Variants in PDE11A observed in about 807,000 individuals in gnomAD.
PDE11A encodes the protein dual 3',5'-cyclic-AMP and -GMP phosphodiesterase 11A.
PDE11A carries 100 observed loss-of-function variants against 100.5 expected under a neutral mutation model. That is an observed-to-expected ratio of 1.00 (90% CI 0.85 to 1.18). PDE11A has a LOEUF of 1.18. Ranked by LOEUF, PDE11A falls within the 50% of genes most tolerant of loss-of-function variation. PDE11A has a pLI of 0.00. For missense variants in PDE11A, 1,141 were observed against 1,152.6 expected (o/e 0.99, Z 0.15); for synonymous variants, 381 against 420.8 (o/e 0.91, Z 1.16).
At chr2:177,933,276 CTA>C (rs1294528061) in intron 2 of PDE11A, among the ~76,000 whole-genome samples, 1 of 152,154 alleles carries the variant, frequency 6.6e-6, no homozygotes, top group Non-Finnish European at 1.5e-5. Context: ...AGGTTCAACA[CTA>C]TTTCTATCAA....
intron 2 of PDE11A, among the ~76,000 whole-genome samples, chr2:177,948,036 A>T (rs1574301280): frequency 2.0e-5 from 3 of 149,638 alleles, no homozygotes; most frequent in East Asian, 3.9e-4. Flanking sequence ...TGTGTGCACG[A>T]CCTTTTTTTT....
At chr2:177,685,339 G>C (rs1312443065) in intron 15 of PDE11A, among the ~76,000 whole-genome samples, 1 of 152,198 alleles carries the variant, frequency 6.6e-6, no homozygotes, top group African/African-American at 2.4e-5. Flanking sequence ...GATTCTTGCA[G>C]AGTAGATTCT....
In PDE11A at chr2:177,983,925, G is replaced by A. The variant is rs191433584; in HGVS notation, c.1071+30377C>T. On this transcript the variant is annotated intron_variant, in intron 2 of 19. Coordinates refer to ENST00000286063, the MANE Select transcript of PDE11A (RefSeq NM_016953.4). ...AGATGAAGAGTTCTGAAGGTGATTG[G>A]AAGCTCTTATCAGAAGTGCATGACA... Among the ~76,000 whole-genome samples, 751 of 152,242 alleles carry A rather than the reference G, an allele frequency of 4.9e-3. 8 individuals carry two copies. The highest frequency in any genetic ancestry group is 0.014 in the Middle Eastern group (4 of 294).
chr2:177,907,280 G>T (rs187802951), intron 2 of PDE11A, among the ~76,000 whole-genome samples: 44 of 152,140 alleles, frequency 2.9e-4, no homozygotes, highest in African/African-American at 1.1e-3. Context: ...GTCTTTTTTA[G>T]TTCTAATCTT....
intron 9 of PDE11A, among the ~76,000 whole-genome samples, chr2:177,800,255 G>C (rs4893988): frequency 0.82 from 124,232 of 151,740 alleles, 51,115 homozygotes; most frequent in East Asian, 0.98. Flanking sequence ...GTGCAGCCTC[G>C]AATTCCAGGG....
intron 6 of PDE11A, among the ~76,000 whole-genome samples, chr2:177,829,094 T>C (rs949832799): frequency 6.6e-6 from 1 of 151,846 alleles, no homozygotes; most frequent in East Asian, 1.9e-4. Context: ...ATGTTCAACA[T>C]CAGAGAAAGG....
intron 2 of PDE11A, among the ~76,000 whole-genome samples, chr2:177,980,757 C>T (rs2085870587): frequency 6.6e-6 from 1 of 150,380 alleles, no homozygotes; most frequent in Non-Finnish European, 1.5e-5. Context: ...GCGAAAAGGC[C>T]AATAAGGCTA....
intron 19 of PDE11A, among the ~76,000 whole-genome samples, chr2:177,657,257 T>C (rs2080403397): frequency 6.6e-6 from 1 of 152,244 alleles, no homozygotes; most frequent in Admixed American, 6.5e-5. Flanking sequence ...TACATTATTA[T>C]GTAACAAGGA....
At chr2:177,877,747 C>T (rs2084264324) in intron 4 of PDE11A, among the ~76,000 whole-genome samples, 1 of 152,018 alleles carries the variant, frequency 6.6e-6, no homozygotes. Flanking sequence ...GCTCAGTATG[C>T]CAAGGCACCA....
intron 2 of PDE11A, among the ~76,000 whole-genome samples, chr2:177,987,686 T>C (rs571732979): frequency 6.6e-6 from 1 of 151,508 alleles, no homozygotes; most frequent in Non-Finnish European, 1.5e-5. Flanking sequence ...TATGCATGAC[T>C]ATTGCATTAA....
At position 177,794,716 on chromosome 2, in the gene PDE11A, C is replaced by T. The variant is rs560112346; in HGVS notation, c.1737+22113G>A. ...CCACCCCTACCCCTACACCGACCCC[C>T]CAACACACCCGACAAACGAATGTCT... is the stretch of plus-strand genomic sequence containing the variant. On this transcript the variant is annotated intron_variant, in intron 9 of 19. Coordinates refer to ENST00000286063, the MANE Select transcript of PDE11A (RefSeq NM_016953.4). Among the ~76,000 whole-genome samples the T allele has an allele frequency of 6.6e-5, 10 of 152,282 alleles. No individual in the cohort carries two copies. In the South Asian group the frequency reaches 2.1e-3, roughly 32 times the overall value.
At chr2:177,870,339 T>A (rs935776922) in intron 5 of PDE11A, among the ~76,000 whole-genome samples, 1 of 152,220 alleles carries the variant, frequency 6.6e-6, no homozygotes, top group South Asian at 2.1e-4. Context: ...GACCACACTG[T>A]AATCTCATTG....
chr2:177,703,163 T>C (rs1248933307), intron 13 of PDE11A, among the ~76,000 whole-genome samples: 1 of 151,840 alleles, frequency 6.6e-6, no homozygotes, highest in Non-Finnish European at 1.5e-5. Context: ...AGTTGGGAGG[T>C]TGATAATAAG....
At chr2:177,769,192 C>T (rs2082277426) in intron 10 of PDE11A, 131 bp downstream of exon 10, 3 of 693,582 alleles carry the variant, frequency 4.3e-6, no homozygotes, top group Non-Finnish European at 7.9e-6. Flanking sequence ...TATAAAAATA[C>T]ACCTTTGCCC....
At chr2:178,057,498 C>T (rs1169507164) in intron 1 of PDE11A, among the ~76,000 whole-genome samples, 2 of 152,172 alleles carry the variant, frequency 1.3e-5, no homozygotes, top group African/African-American at 4.8e-5. Context: ...CCCAGCCTGA[C>T]CTTTTATATT....
At chr2:178,005,455 G>A (rs1388993592) in intron 2 of PDE11A, among the ~76,000 whole-genome samples, 8 of 152,110 alleles carry the variant, frequency 5.3e-5, no homozygotes, top group Admixed American at 5.2e-4. Context: ...CAGGACCAGC[G>A]TGGGCACCAT....
At chr2:177,732,165 C>A (rs369963987) in intron 10 of PDE11A, among the ~76,000 whole-genome samples, 4 of 151,920 alleles carry the variant, frequency 2.6e-5, no homozygotes, top group Admixed American at 2.6e-4. Context: ...TCTTATTCTG[C>A]GCCCCTGTGG....
rs1293160086 is a variant in PDE11A at position 177,626,205 on chromosome 2, A to G, written c.*3202T>C. On this transcript the variant is annotated 3_prime_UTR_variant, in exon 20 of 20. Transcript: ENST00000286063. ...TGCTATAAATTATGTTCCCCTTAGC[A>G]ATATGTAGCATCAATGTTCAGGATA... The G allele has an allele frequency of 6.6e-6, 1 of 152,644 alleles. No homozygotes were observed. 9.5% of individuals were successfully genotyped at this position (152,644 alleles called of 1,614,324 possible).
At chr2:177,905,741 G>C (rs564680210) in intron 2 of PDE11A, among the ~76,000 whole-genome samples, 1 of 152,330 alleles carries the variant, frequency 6.6e-6, no homozygotes, top group South Asian at 2.1e-4. Context: ...GGGGTCAGCA[G>C]GCCTGGCAGC....
Sources: gnomAD v4.1 joint callset for allele counts (sites outside exome capture counted in the v4.1 genomes callset) on GRCh38, gnomAD v4.1.1 for gene constraint, MANE v1.5 for transcripts, NCBI Gene and HGNC (gene_info 2026-07-23, HGNC 2026-07-21) for gene names.